Variants in BPTF observed in about 807,000 individuals in gnomAD.
The protein encoded by BPTF is bromodomain PHD finger transcription factor, also known as nucleosome-remodeling factor subunit BPTF.
BPTF carries 18 observed loss-of-function variants against 292.5 expected under a neutral mutation model. The ratio of observed to expected loss-of-function variants is 0.06; its 90% confidence interval spans 0.04 to 0.09. The LOEUF (loss-of-function observed/expected upper bound fraction) is 0.09, where lower values mean the gene tolerates loss of function less well. BPTF is among the 10% of genes least tolerant of loss of function. The pLI is 1.00. For missense variants in BPTF, 2,726 were observed against 3,498.7 expected, an observed-to-expected ratio of 0.78 and a Z score of 5.57; for synonymous variants, 1,225 against 1,251.9, an observed-to-expected ratio of 0.98 and a Z score of 0.45.
At chr17:67,851,294 A>C (rs1307538307) in intron 1 of BPTF, among the ~76,000 whole-genome samples, 12 of 149,880 alleles carry the variant, frequency 8.0e-5, no homozygotes, top group East Asian at 1.9e-4. Context: ...TTTTTTTAAT[A>C]ACCACCATAT....
At chr17:67,926,857 C>A (rs2063948164) in intron 15 of BPTF, among the ~76,000 whole-genome samples, 2 of 151,918 alleles carry the variant, frequency 1.3e-5, no homozygotes, top group Non-Finnish European at 2.9e-5. Context: ...CCGGCCTCAG[C>A]CTCCTGAGTA....
intron 11 of BPTF, among the ~76,000 whole-genome samples, chr17:67,917,597 G>A (rs1012707190): frequency 2.0e-5 from 3 of 151,684 alleles, no homozygotes; most frequent in African/African-American, 7.3e-5. Context: ...TACTAGATTT[G>A]TAAGATGTTT....
chr17:67,848,046 G>A (rs1452895525), intron 1 of BPTF, among the ~76,000 whole-genome samples: 1 of 152,166 alleles, frequency 6.6e-6, no homozygotes, highest in Non-Finnish European at 1.5e-5. Context: ...AATACCGAGT[G>A]AGGCCACTTT....
At chr17:67,832,164 A>G (rs1370383028) in intron 1 of BPTF, among the ~76,000 whole-genome samples, 1 of 152,002 alleles carries the variant, frequency 6.6e-6, no homozygotes, top group Non-Finnish European at 1.5e-5. Flanking sequence ...CTGGGATTAC[A>G]GGGGTGAGCT....
intron 26 of BPTF, among the ~76,000 whole-genome samples, chr17:67,970,572 A>G (rs1194368356): frequency 2.0e-5 from 3 of 152,218 alleles, no homozygotes; most frequent in African/African-American, 7.2e-5. Flanking sequence ...TTTATTTTCT[A>G]AGAGTACCTA....
intron 7 of BPTF, among the ~76,000 whole-genome samples, chr17:67,895,705 G>A (rs2061397145): frequency 6.6e-6 from 1 of 152,012 alleles, no homozygotes; most frequent in Admixed American, 6.6e-5. Context: ...CAAGCAATCT[G>A]CCTGCCTCAG....
intron 3 of BPTF, among the ~76,000 whole-genome samples, chr17:67,867,024 A>G (rs1406764251): frequency 1.3e-5 from 2 of 152,258 alleles, no homozygotes; most frequent in East Asian, 3.8e-4. Flanking sequence ...ACATTTAAAA[A>G]GGTAATACGT....
rs2062517147 is a variant in BPTF, at chr17:67,909,702, C to G, written c.2933C>G (p.Ala978Gly). The change falls in exon 10 of 28, where the codon GCA becomes GGA. Residue 978 changes from alanine (A) to glycine (G), a missense_variant. Ala to Gly is a moderately conservative substitution (Grantham distance 60). Around this residue, in one of 22 missense-constraint regions of BPTF, gnomAD observed 713 missense variants for 714.9 expected, o/e 1.00. Coordinates refer to ENST00000306378, the MANE Select transcript of BPTF (RefSeq NM_182641.4). The stretch of plus-strand genomic sequence containing the variant: ...GATGAGGTAAAAGGTTCAGATGCTG[C>G]AAAAGGAGCAGACCAAAATGAAATG... ...EKDEVKGSDAAKGADQNEMDI... is the reference protein window; with the variant it reads ...EKDEVKGSDAGKGADQNEMDI... 6.3e-7 allele frequency: 1 copy of G among 1,596,746 alleles called. No individual in the cohort carries two copies. The highest frequency in any genetic ancestry group is 8.5e-7 in the Non-Finnish European group (1 of 1,174,154).
At chr17:67,916,765 CAAAAA>C (rs768285922) in intron 11 of BPTF, among the ~76,000 whole-genome samples, 3 of 56,378 alleles carry the variant, frequency 5.3e-5, no homozygotes, top group Non-Finnish European at 3.9e-5. Flanking sequence ...TACTCTGTCT[CAAAAA>C]AAAAAAAAAA....
chr17:67,908,056 T>C (rs73336772), intron 9 of BPTF, among the ~76,000 whole-genome samples: 15,290 of 152,270 alleles, frequency 0.1, 2,623 homozygotes, highest in African/African-American at 0.35. Flanking sequence ...TATCCATTTC[T>C]AATAGGGTTC....
At chr17:67,929,966 A>G (rs1325747297) in intron 17 of BPTF, among the ~76,000 whole-genome samples, 1 of 150,868 alleles carries the variant, frequency 6.6e-6, no homozygotes, top group Non-Finnish European at 1.5e-5. Flanking sequence ...AAATACAGAA[A>G]TTAGCCAGGC....
rs1319894912 is a variant in BPTF, at chr17:67,975,661, G to A, written c.8540-111G>A. On this transcript the variant is annotated intron_variant, in intron 26 of 27. Coordinates refer to ENST00000306378, the MANE Select transcript of BPTF (RefSeq NM_182641.4). ...ATAACCTCCAGGGTGAACCAGCCTG[G>A]CTCCAGGACTGCTTGCACAGTAAAC... The A allele has an allele frequency of 2.6e-5, 23 of 884,850 alleles. No homozygotes were observed. In the East Asian group the frequency reaches 6.1e-4, roughly 24 times the overall value. The allele number at this position is 884,850 out of a possible 1,614,324, so 54.8% of individuals were successfully genotyped here.
At chr17:67,906,106 G>A (rs968010519) in intron 9 of BPTF, among the ~76,000 whole-genome samples, 1 of 151,348 alleles carries the variant, frequency 6.6e-6, no homozygotes, top group Non-Finnish European at 1.5e-5. Flanking sequence ...TTTTTGAAAT[G>A]GAGTCTTGCT....
chr17:67,946,441 A>T, intron 21 of BPTF, 116 bp downstream of exon 21: 2 of 1,441,484 alleles, frequency 1.4e-6, no homozygotes, highest in Middle Eastern at 4.5e-4. Flanking sequence ...TTAATGTTTA[A>T]ATTTAGAAGA....
At chr17:67,904,867 C>T (rs1414155110) in intron 9 of BPTF, 27 bp downstream of exon 9, 2 of 1,559,752 alleles carry the variant, frequency 1.3e-6, no homozygotes, top group African/African-American at 2.7e-5. Flanking sequence ...ACATGTCCTG[C>T]ATAATCGTTT....
intron 4 of BPTF, among the ~76,000 whole-genome samples, chr17:67,881,858 GTTTTTTTTTTTT>G (rs71354089): frequency 3.3e-5 from 1 of 30,016 alleles, no homozygotes; most frequent in African/African-American, 8.9e-5. Flanking sequence ...TTGGGTTTTT[GTTTTTTTTTTTT>G]TTTTTTTTTT....
chr17:67,846,564 A>G (rs2058043716), intron 1 of BPTF, among the ~76,000 whole-genome samples: 1 of 152,074 alleles, frequency 6.6e-6, no homozygotes, highest in South Asian at 2.1e-4. Flanking sequence ...TGTCTCCTTT[A>G]TCTGTCATTT....
rs1177305623 is a variant in BPTF, at chr17:67,926,911, C to CT, written c.5752-1433dup. 5.7e-3 allele frequency among the ~76,000 whole-genome samples: 834 copies of CT among 146,526 alleles called. 4 individuals are homozygous for CT. Among genetic ancestry groups the CT allele is most frequent in the African/African-American group, 0.017 (687 of 40,218 alleles). On this transcript the variant is annotated intron_variant, in intron 15 of 27. Transcript: ENST00000306378. The stretch of plus-strand genomic sequence containing the variant: ...CTACCACACCCACCTTTGCCTCCCT[C>CT]TTTTTTTTTTTCTTTCTTTTTTTAA...
intron 27 of BPTF, among the ~76,000 whole-genome samples, chr17:67,980,787 T>A (rs1468895446): frequency 4.6e-5 from 7 of 152,232 alleles, no homozygotes; most frequent in Admixed American, 2.0e-4. Context: ...ATGTAGTTTT[T>A]AAATATACTC....
Sources: gnomAD v4.1 joint callset for allele counts (sites outside exome capture counted in the v4.1 genomes callset) on GRCh38, gnomAD v4.1.1 for gene constraint, gnomAD v4.1.1 regional missense constraint, MANE v1.5 for transcripts, NCBI Gene and HGNC (gene_info 2026-07-23, HGNC 2026-07-21) for gene names.